RNF150: variants seen among roughly 807,000 people sequenced by gnomAD.
The protein encoded by RNF150 is ring finger protein 150.
RNF150 carries 24 observed loss-of-function variants against 39.3 expected under a neutral mutation model. The ratio of observed to expected loss-of-function variants is 0.61; its 90% CI spans 0.44 to 0.86. The LOEUF is 0.86. Ranked by LOEUF, RNF150 falls within the 40% of genes least tolerant of loss-of-function variation. The pLI, the probability that RNF150 is intolerant of heterozygous loss-of-function variation, is 0.00. For synonymous variants in RNF150, 255 were observed against 227.3 expected (o/e 1.12, Z -1.10); for missense variants, 502 against 587.8 (o/e 0.85, Z 1.51).
chr4:140,939,729 T>C (rs1560978069), intron 4 of RNF150, among the ~76,000 whole-genome samples: 1 of 152,076 alleles, frequency 6.6e-6, no homozygotes, highest in Non-Finnish European at 1.5e-5. Context: ...AGTGACAGTT[T>C]GCAAGCTGCT....
chr4:140,907,929 T>C (rs1401866142), intron 6 of RNF150, among the ~76,000 whole-genome samples: 2 of 152,214 alleles, frequency 1.3e-5, no homozygotes, highest in African/African-American at 2.4e-5. Flanking sequence ...TGGTATGTAA[T>C]AGGTACAACG....
chr4:141,112,894 C>T (rs1035809403), intron 1 of RNF150, among the ~76,000 whole-genome samples: 3 of 151,826 alleles, frequency 2.0e-5, no homozygotes, highest in African/African-American at 7.3e-5. Flanking sequence ...TTCATACAGT[C>T]CCATATTTCT....
intron 1 of RNF150, among the ~76,000 whole-genome samples, chr4:141,168,174 G>T (rs1221279020): frequency 1.3e-5 from 2 of 152,112 alleles, no homozygotes; most frequent in African/African-American, 4.8e-5. Context: ...CATTTATGTG[G>T]CCAGCAAGCA....
chr4:141,211,215 ATAACTT>A (rs1395578505), intron 1 of RNF150, among the ~76,000 whole-genome samples: 1 of 152,186 alleles, frequency 6.6e-6, no homozygotes, highest in Non-Finnish European at 1.5e-5. Flanking sequence ...TAGTGTCTAA[ATAACTT>A]TAAGTAGGTT....
intron 1 of RNF150, among the ~76,000 whole-genome samples, chr4:141,139,950 C>A (rs1488286642): frequency 6.6e-6 from 1 of 152,098 alleles, no homozygotes; most frequent in Non-Finnish European, 1.5e-5. Flanking sequence ...ACTTCTTTTT[C>A]CTCTGCTTAA....
At chr4:140,913,475 T>C (rs182229523) in intron 5 of RNF150, among the ~76,000 whole-genome samples, 11 of 152,154 alleles carry the variant, frequency 7.2e-5, no homozygotes, top group Non-Finnish European at 1.5e-4. Flanking sequence ...GTGCTCAGGA[T>C]GACATTTGAT....
chr4:141,084,618 G>A (rs1738283822), intron 1 of RNF150, among the ~76,000 whole-genome samples: 1 of 152,208 alleles, frequency 6.6e-6, no homozygotes, highest in East Asian at 1.9e-4. Flanking sequence ...CTGATCAGCA[G>A]AGAAGCATCT....
intron 1 of RNF150, among the ~76,000 whole-genome samples, chr4:141,110,680 T>C (rs1345488840): frequency 6.6e-6 from 1 of 151,886 alleles, no homozygotes; most frequent in Admixed American, 6.6e-5. Flanking sequence ...CCCATAATGC[T>C]GGAATTACAG....
chr4:141,200,169 G>T (rs1040727003), intron 1 of RNF150, among the ~76,000 whole-genome samples: 1 of 152,188 alleles, frequency 6.6e-6, no homozygotes, highest in African/African-American at 2.4e-5. Flanking sequence ...GGAAGTCTGA[G>T]ATCAGGGTGC....
intron 5 of RNF150, among the ~76,000 whole-genome samples, chr4:140,913,656 C>T (rs1440430335): frequency 2.6e-5 from 4 of 152,142 alleles, no homozygotes; most frequent in Non-Finnish European, 4.4e-5. Context: ...TGCTGTATGG[C>T]TATTGTTAAT....
chr4:141,188,627 G>T (rs1288133598), intron 1 of RNF150, among the ~76,000 whole-genome samples: 1 of 151,826 alleles, frequency 6.6e-6, no homozygotes, highest in African/African-American at 2.4e-5. Context: ...CCTTTCTTCT[G>T]CTGGATCAAT....
intron 1 of RNF150, among the ~76,000 whole-genome samples, chr4:141,176,482 C>G (rs946210697): frequency 1.3e-5 from 2 of 152,108 alleles, no homozygotes; most frequent in African/African-American, 2.4e-5. Context: ...TGCTTTGTTA[C>G]TTTTTTTAAA....
intron 2 of RNF150, among the ~76,000 whole-genome samples, chr4:140,951,885 T>C (rs1394251253): frequency 2.6e-5 from 4 of 152,214 alleles, no homozygotes; most frequent in African/African-American, 9.7e-5. Context: ...TGTGTTTAAC[T>C]GGCATTATAT....
intron 5 of RNF150, among the ~76,000 whole-genome samples, chr4:140,923,986 G>A (rs1055143831): frequency 6.6e-6 from 1 of 152,092 alleles, no homozygotes; most frequent in Middle Eastern, 3.2e-3. Flanking sequence ...TGGGGGAAGG[G>A]GGGAGGGATA....
At chr4:140,897,281 T>G (rs1236209048) in intron 6 of RNF150, among the ~76,000 whole-genome samples, 1 of 152,206 alleles carries the variant, frequency 6.6e-6, no homozygotes, top group Non-Finnish European at 1.5e-5. Flanking sequence ...CCACTTAGAA[T>G]GTGTGCATTG....
At chr4:141,005,082 T>C (rs73860228) in intron 1 of RNF150, among the ~76,000 whole-genome samples, 11,533 of 152,076 alleles carry the variant, frequency 0.076, 491 homozygotes, top group Middle Eastern at 0.16. Context: ...GGAGGAAGAA[T>C]GAGGGAGCGG....
chr4:141,168,007 A>G (rs981555060), intron 1 of RNF150, among the ~76,000 whole-genome samples: 1 of 152,184 alleles, frequency 6.6e-6, no homozygotes, highest in Non-Finnish European at 1.5e-5. Flanking sequence ...TGAAAAGGCA[A>G]CCTACAGAAT....
intron 1 of RNF150, among the ~76,000 whole-genome samples, chr4:141,071,913 A>G (rs767502313): frequency 3.0e-4 from 45 of 152,192 alleles, no homozygotes; most frequent in East Asian, 2.1e-3. Flanking sequence ...TTTGTGGGGG[A>G]AAAAGAATCA....
chr4:141,055,014 A>G (rs1308710920), intron 1 of RNF150, among the ~76,000 whole-genome samples: 2 of 152,174 alleles, frequency 1.3e-5, no homozygotes, highest in Non-Finnish European at 2.9e-5. Context: ...ATTATTGAGG[A>G]GCACAATTAA....
Sources: gnomAD v4.1 joint callset for allele counts (sites outside exome capture counted in the v4.1 genomes callset) on GRCh38, gnomAD v4.1.1 for gene constraint, MANE v1.5 for transcripts, NCBI Gene and HGNC (gene_info 2026-07-23, HGNC 2026-07-21) for gene names.